The following IFT140 variants were observed in gnomAD, a reference collection of about 807,000 sequenced individuals.
IFT140 encodes intraflagellar transport protein 140 homolog.
In IFT140, 133 loss-of-function variants were observed where a neutral mutation model predicts 164.6. The observed-to-expected ratio is 0.81, with a 90% CI of 0.70 to 0.93. The LOEUF (loss-of-function observed/expected upper bound fraction) is 0.93, where lower values mean the gene tolerates loss of function less well. Ranked by LOEUF, IFT140 falls within the 40% of genes least tolerant of loss-of-function variation. The pLI is 0.00. For synonymous variants in IFT140, 860 were observed against 817.3 expected (o/e 1.05, Z -0.89); for missense variants, 2,045 against 1,972.3 (o/e 1.04, Z -0.70).
chr16:1,542,372 G>A (rs1182859887), intron 19 of IFT140, among the ~76,000 whole-genome samples: 1 of 152,262 alleles, frequency 6.6e-6, no homozygotes, highest in Non-Finnish European at 1.5e-5. Context: ...TCCTGAGTCT[G>A]TGGGGTCTGA....
At position 1,524,846 on chromosome 16, in the gene IFT140, C is replaced by G; in HGVS notation, c.2935G>C (p.Glu979Gln). 1 of 1,613,140 alleles carries G rather than the reference C, an allele frequency of 6.2e-7. No homozygotes were observed. The highest frequency in any genetic ancestry group is 8.5e-7 in the Non-Finnish European group (1 of 1,179,584). ...AGGGAGAAGTGGTCCCGGGCCAGCT[C>G]GTAGTAGTGCAGCGCGGCGTCCATC... ...GEMDAALHYY[E>Q]LARDHFSLVR... Residue 979 changes from glutamate to glutamine, a missense_variant, in exon 23 of 31, where the codon GAG becomes CAG. Glu to Gln is a conservative substitution (Grantham distance 29). Coordinates refer to ENST00000426508, the MANE Select transcript of IFT140 (RefSeq NM_014714.4).
chr16:1,540,739 GC>G (rs2141280957), intron 19 of IFT140: 1 of 734,666 alleles, frequency 1.4e-6, no homozygotes, highest in South Asian at 6.2e-5. Context: ...CCTGAAGAGT[GC>G]CCTGAAATTT....
intron 19 of IFT140, among the ~76,000 whole-genome samples, chr16:1,529,860 G>A (rs904088112): frequency 1.3e-5 from 2 of 152,164 alleles, no homozygotes; most frequent in Non-Finnish European, 2.9e-5. Flanking sequence ...GGCCTCATCC[G>A]TCAGCAAATG....
At position 1,553,279 on chromosome 16, in the gene IFT140, T is replaced by C. The variant is rs112724253; in HGVS notation, c.2399+4656A>G. On this transcript the variant is annotated intron_variant, in intron 19 of 30. Coordinates refer to ENST00000426508, the MANE Select transcript of IFT140 (RefSeq NM_014714.4). The surrounding 1 kb of genome is among the most constrained non-coding windows in gnomAD (Gnocchi z 4.4). Reference sequence around the variant, plus strand: ...CTGTATCTCTCTTGGTCTCTGTCTCTCTGTGTCTCTGCCTGTCTCTCTGTG... The same window carrying C: ...CTGTATCTCTCTTGGTCTCTGTCTCCCTGTGTCTCTGCCTGTCTCTCTGTG... The C allele has an allele frequency of 1.6e-5, 16 of 981,562 alleles. No homozygotes were observed. The African/African-American group carries it at 2.3e-4, about 14-fold the overall frequency. The allele number at this position is 981,562 out of a possible 1,614,324, so 60.8% of individuals were successfully genotyped here. A position where few individuals can be genotyped will look rare whatever the true frequency, so the allele number is the denominator to read the frequency against.
At chr16:1,560,110 A>T (rs1812341992) in intron 18 of IFT140, among the ~76,000 whole-genome samples, 1 of 152,238 alleles carries the variant, frequency 6.6e-6, no homozygotes, top group Non-Finnish European at 1.5e-5. Flanking sequence ...GCACATAAGA[A>T]ACGTAAAGCC....
chr16:1,558,707 T>C (rs991483942), intron 18 of IFT140, among the ~76,000 whole-genome samples: 2 of 152,224 alleles, frequency 1.3e-5, no homozygotes, highest in Non-Finnish European at 2.9e-5. Context: ...CCTTCCTCCG[T>C]GGGGCAGGGG....
intron 29 of IFT140, 90 bp downstream of exon 29, chr16:1,519,791 G>T: frequency 1.6e-6 from 2 of 1,272,682 alleles, no homozygotes; most frequent in Non-Finnish European, 2.1e-6. Flanking sequence ...CTGCTGTCCT[G>T]CCCTTTTGCT....
chr16:1,591,159 C>A (rs531344761), intron 6 of IFT140, among the ~76,000 whole-genome samples: 3 of 152,318 alleles, frequency 2.0e-5, no homozygotes, highest in Admixed American at 6.5e-5. Context: ...GCCCACACGC[C>A]ACCAGAGCCA....
chr16:1,526,614 C>T lies in IFT140; in HGVS notation c.2577+5G>A. 6.5e-7 allele frequency: 1 copy of T among 1,541,264 alleles called. No individual in the cohort carries two copies. Among genetic ancestry groups the T allele is most frequent in the Non-Finnish European group, 8.7e-7 (1 of 1,153,060 alleles). ...CCCACCCACCCCATGGCGGGCGCCC[C>T]TCACCAGCATGCCCAGCTGCGTGGC... is the stretch of plus-strand genomic sequence containing the variant. On this transcript the variant is annotated splice_donor_5th_base_variant and intron_variant, in intron 20 of 30. Coordinates refer to ENST00000426508, the MANE Select transcript of IFT140 (RefSeq NM_014714.4).
At chr16:1,610,295 C>G (rs200400718) in intron 2 of IFT140, 3 of 154,908 alleles carry the variant, frequency 1.9e-5, no homozygotes, top group African/African-American at 7.2e-5. Flanking sequence ...GCCGACCCAG[C>G]GAGTGACCAA....
At chr16:1,523,131 A>T (rs1483425496) in intron 26 of IFT140, among the ~76,000 whole-genome samples, 1 of 150,294 alleles carries the variant, frequency 6.7e-6, no homozygotes, top group Non-Finnish European at 1.5e-5. Context: ...AGGAAGGAGG[A>T]TTGCTTGAGC....
intron 30 of IFT140, among the ~76,000 whole-genome samples, chr16:1,515,286 T>TG (rs1417959465): frequency 6.6e-6 from 1 of 152,076 alleles, no homozygotes; most frequent in Non-Finnish European, 1.5e-5. Context: ...GCCAGTGCAG[T>TG]GGGAGATGGA....
chr16:1,524,408 T>C, intron 24 of IFT140, 144 bp downstream of exon 24: 2 of 1,095,980 alleles, frequency 1.8e-6, no homozygotes, highest in Non-Finnish European at 2.6e-6. Flanking sequence ...GGTGGGCGGG[T>C]GAGGCAGACG....
intron 13 of IFT140, among the ~76,000 whole-genome samples, chr16:1,579,973 A>C (rs1218647627): frequency 6.6e-6 from 1 of 151,792 alleles, no homozygotes; most frequent in African/African-American, 2.4e-5. Context: ...CAAAAAAAAA[A>C]AAAAAAAGAG....
At chr16:1,548,941 GC>G (rs2141362475) in intron 19 of IFT140, among the ~76,000 whole-genome samples, 1 of 152,366 alleles carries the variant, frequency 6.6e-6, no homozygotes, top group East Asian at 1.9e-4. Flanking sequence ...CTCATGCCAG[GC>G]ATCTGTTCAC....
chr16:1,589,464 G>A (rs1051694166), intron 7 of IFT140, 141 bp downstream of exon 7: 13 of 706,818 alleles, frequency 1.8e-5, no homozygotes, highest in African/African-American at 3.6e-5. Context: ...TAATGACACC[G>A]CTAGCTACGT....
rs764308188 is a variant in IFT140, at chr16:1,518,326, T to C, written c.4072A>G (p.Lys1358Glu). 6 of 1,614,066 alleles carry C rather than the reference T, an allele frequency of 3.7e-6. No individual in the cohort carries two copies. In the South Asian group the frequency reaches 6.6e-5, roughly 18 times the overall value. The change falls in exon 30 of 31, where the codon AAG (lysine) becomes GAG (glutamate). Residue 1358 changes from lysine (K) to glutamate (E), a missense_variant. Coordinates refer to ENST00000426508, the MANE Select transcript of IFT140 (RefSeq NM_014714.4). ...TYTEDPKESI[K>E]QCELLLEEPD... ...TCCTCCAGGAGCAGCTCACACTGCT[T>C]GATGGACTCCTTGGGGTCCTCTGTG...
chr16:1,609,176 G>A lies in IFT140; in HGVS notation c.-32+1488C>T, dbSNP rs551429768. ...TAAAAAAAAAAGGGGGTTTTAACAT[G>A]TTGCAGCCAGCCCCAAGGTTACAAA... On this transcript the variant is annotated intron_variant, in intron 2 of 30. Transcript: ENST00000426508. Among the ~76,000 whole-genome samples, 48 of 152,184 alleles carry A rather than the reference G, an allele frequency of 3.2e-4. No homozygotes were observed. In the South Asian group the frequency reaches 8.9e-3, roughly 28 times the overall value.
intron 19 of IFT140, among the ~76,000 whole-genome samples, chr16:1,544,865 G>A (rs1012434516): frequency 9.9e-5 from 15 of 151,638 alleles, no homozygotes; most frequent in Admixed American, 9.2e-4. Flanking sequence ...AGCCAGGATG[G>A]TCTCGATCTC....
Sources: gnomAD v4.1 joint callset for allele counts (sites outside exome capture counted in the v4.1 genomes callset) on GRCh38, gnomAD v4.1.1 for gene constraint, Gnocchi (gnomAD v3.1) non-coding constraint, MANE v1.5 for transcripts, NCBI Gene and HGNC (gene_info 2026-07-23, HGNC 2026-07-21) for gene names.